CDH13: variants seen among roughly 807,000 people sequenced by gnomAD.
CDH13 encodes the protein cadherin 13.
In CDH13, 24 loss-of-function variants were observed where a neutral mutation model predicts 63.8. That is an observed-to-expected ratio of 0.38 (90% CI 0.27 to 0.53). The LOEUF is 0.53. CDH13 is among the 20% of genes least tolerant of loss of function. The pLI is 0.85. For synonymous variants in CDH13, 503 were observed against 355.3 expected (o/e 1.42, Z -4.67); for missense variants, 1,049 against 903.1 (o/e 1.16, Z -2.07).
At chr16:82,869,005 G>A (rs1013101748) in intron 2 of CDH13, among the ~76,000 whole-genome samples, 1 of 152,102 alleles carries the variant, frequency 6.6e-6, no homozygotes, top group Admixed American at 6.6e-5. Context: ...TGTTTTGAGG[G>A]CTAAATATTA....
intron 11 of CDH13, among the ~76,000 whole-genome samples, chr16:83,770,801 G>C (rs907732094): frequency 6.6e-6 from 1 of 152,082 alleles, no homozygotes; most frequent in African/African-American, 2.4e-5. Context: ...GGTGGGTTTT[G>C]GCCAGCTTCT....
intron 5 of CDH13, among the ~76,000 whole-genome samples, chr16:83,234,593 G>A (rs1362807654): frequency 6.6e-6 from 1 of 152,160 alleles, no homozygotes; most frequent in Non-Finnish European, 1.5e-5. Flanking sequence ...GTTCAGGTGT[G>A]GCGTGAGTGT....
chr16:82,871,641 G>A (rs1231804856), intron 2 of CDH13, among the ~76,000 whole-genome samples: 2 of 140,452 alleles, frequency 1.4e-5, no homozygotes, highest in African/African-American at 4.9e-5. Flanking sequence ...TGTTTTGACT[G>A]TAATCAACAG....
In CDH13 at chr16:82,968,923, A is replaced by G. The variant is rs114391182; in HGVS notation, c.158-63087A>G. 6.1e-3 allele frequency among the ~76,000 whole-genome samples: 924 copies of G among 152,194 alleles called. 10 individuals carry two copies. The highest frequency in any genetic ancestry group is 0.021 in the African/African-American group (889 of 41,522). On this transcript the variant is annotated intron_variant, in intron 2 of 13. Coordinates refer to ENST00000567109, the MANE Select transcript of CDH13 (RefSeq NM_001257.5). ...TTGCTTGAGCTCAAGAGTTCAAGAC[A>G]AGCCTGGACAACATGGAAAAACCCC...
chr16:82,744,319 G>A (rs774407947), intron 1 of CDH13, among the ~76,000 whole-genome samples: 7 of 152,110 alleles, frequency 4.6e-5, no homozygotes, highest in Admixed American at 6.5e-5. Context: ...TATTTTTCTC[G>A]CTTTTGTAGT....
intron 3 of CDH13, among the ~76,000 whole-genome samples, chr16:83,120,129 C>T (rs879502334): frequency 9.9e-5 from 15 of 152,052 alleles, no homozygotes; most frequent in Non-Finnish European, 1.8e-4. Flanking sequence ...CAGCAGCCCC[C>T]GAACCCTGTC....
chr16:83,106,509 C>G (rs1198443449), intron 3 of CDH13, among the ~76,000 whole-genome samples: 2 of 152,148 alleles, frequency 1.3e-5, no homozygotes, highest in East Asian at 1.9e-4. Flanking sequence ...CCATTGCACT[C>G]CAGCCTGGGC....
At chr16:82,962,903 A>G (rs1349159414) in intron 2 of CDH13, among the ~76,000 whole-genome samples, 1 of 152,186 alleles carries the variant, frequency 6.6e-6, no homozygotes, top group East Asian at 1.9e-4. Context: ...ACATATCTTT[A>G]AAAAAATTAG....
At chr16:82,714,490 G>C (rs903970563) in intron 1 of CDH13, among the ~76,000 whole-genome samples, 4 of 152,002 alleles carry the variant, frequency 2.6e-5, no homozygotes, top group Non-Finnish European at 4.4e-5. Flanking sequence ...GAGGCTGGCA[G>C]ATCACCTGAG....
chr16:82,724,074 G>T (rs2032945811), intron 1 of CDH13, among the ~76,000 whole-genome samples: 1 of 152,148 alleles, frequency 6.6e-6, no homozygotes, highest in African/African-American at 2.4e-5. Flanking sequence ...GCTTGTCTGT[G>T]GGTCACAGCC....
chr16:83,508,223 C>G (rs1204172566), intron 7 of CDH13: 3 of 153,098 alleles, frequency 2.0e-5, no homozygotes, highest in Non-Finnish European at 4.4e-5. Context: ...GTGGAGTCTG[C>G]CAAATCAGGT....
intron 3 of CDH13, among the ~76,000 whole-genome samples, chr16:83,101,592 G>C (rs557578389): frequency 6.6e-6 from 1 of 152,048 alleles, no homozygotes. Context: ...TCAGGAGTTC[G>C]AGACCAGCCT....
chr16:83,064,863 A>C (rs567915615), intron 3 of CDH13, among the ~76,000 whole-genome samples: 1 of 152,060 alleles, frequency 6.6e-6, no homozygotes, highest in Non-Finnish European at 1.5e-5. Context: ...TTGCTGAGAC[A>C]TTTGAAATTG....
chr16:83,048,308 G>A lies in CDH13; in HGVS notation c.366+16090G>A, dbSNP rs973549168. On this transcript the variant is annotated intron_variant, in intron 3 of 13. Transcript: ENST00000567109. ...ACTGAAATTAATAAATTGATACTCA[G>A]CAGGTATAAATATGAAGCCCAATAG... Among the ~76,000 whole-genome samples the A allele has an allele frequency of 4.6e-5, 7 of 152,136 alleles. No individual in the cohort carries two copies. In the East Asian group the frequency reaches 1.2e-3, roughly 25 times the overall value.
chr16:83,306,525 C>G (rs2089883292), intron 5 of CDH13, among the ~76,000 whole-genome samples: 1 of 152,190 alleles, frequency 6.6e-6, no homozygotes, highest in African/African-American at 2.4e-5. Context: ...TTGACTTTCT[C>G]TACCTTGTTG....
intron 2 of CDH13, among the ~76,000 whole-genome samples, chr16:82,867,538 G>T (rs149231045): frequency 1.3e-5 from 2 of 152,164 alleles, no homozygotes; most frequent in Non-Finnish European, 2.9e-5. Context: ...GACGTTACTT[G>T]GTCATGCCAC....
intron 7 of CDH13, among the ~76,000 whole-genome samples, chr16:83,585,766 C>A (rs911649205): frequency 1.3e-5 from 2 of 151,922 alleles, no homozygotes; most frequent in African/African-American, 4.8e-5. Context: ...CCCAGCCCAA[C>A]CCATACAGGG....
At chr16:83,339,571 G>A (rs1440452566) in intron 5 of CDH13, among the ~76,000 whole-genome samples, 1 of 152,064 alleles carries the variant, frequency 6.6e-6, no homozygotes, top group Non-Finnish European at 1.5e-5. Context: ...CAAAAACCAG[G>A]ATACGGAGAG....
At chr16:83,789,776 GAC>G (rs1739998936) in intron 13 of CDH13, among the ~76,000 whole-genome samples, 1 of 152,102 alleles carries the variant, frequency 6.6e-6, no homozygotes, top group South Asian at 2.1e-4. Flanking sequence ...CAAACTCTAA[GAC>G]ACAGACCAAA....
Sources: allele counts gnomAD v4.1 joint callset (sites outside exome capture counted in the v4.1 genomes callset), GRCh38; gene constraint gnomAD v4.1.1; transcripts MANE v1.5; gene names NCBI Gene and HGNC (gene_info 2026-07-23, HGNC 2026-07-21).